The following STAU2 variants were observed in gnomAD, a reference collection of about 807,000 sequenced individuals.
The protein encoded by STAU2 is double-stranded RNA-binding protein Staufen homolog 2.
A neutral mutation model predicts 65.9 loss-of-function variants in STAU2; 20 were observed. The ratio of observed to expected loss-of-function variants is 0.30; its 90% CI spans 0.21 to 0.44. The LOEUF (loss-of-function observed/expected upper bound fraction) is 0.44. STAU2 is among the 20% of genes least tolerant of loss of function. STAU2 has a pLI of 1.00. For synonymous variants in STAU2, 232 were observed against 233.9 expected (o/e 0.99, Z 0.07); for missense variants, 558 against 683.9 (o/e 0.82, Z 2.05).
intron 5 of STAU2, among the ~76,000 whole-genome samples, chr8:73,688,076 G>A (rs554209891): frequency 4.0e-5 from 6 of 150,074 alleles, no homozygotes; most frequent in Non-Finnish European, 8.9e-5. Context: ...ATTCAAATAT[G>A]TTTTTGCCAA....
intron 10 of STAU2, among the ~76,000 whole-genome samples, chr8:73,600,641 G>A (rs1433736451): frequency 1.3e-5 from 2 of 152,206 alleles, no homozygotes; most frequent in Non-Finnish European, 2.9e-5. Context: ...GAAAAGATTA[G>A]GCCAGTTATG....
intron 13 of STAU2, among the ~76,000 whole-genome samples, chr8:73,444,370 C>T (rs1031390316): frequency 4.7e-5 from 7 of 148,822 alleles, no homozygotes; most frequent in African/African-American, 1.7e-4. Context: ...CGCATCATTG[C>T]ACTCCAGCCT....
At chr8:73,590,204 T>C (rs1563442886) in intron 11 of STAU2, among the ~76,000 whole-genome samples, 2 of 139,844 alleles carry the variant, frequency 1.4e-5, no homozygotes, top group Admixed American at 1.4e-4. Context: ...GGAAGAAAAA[T>C]AGAAAGAAGG....
chr8:73,688,489 C>CGTGTGTGTGT (rs34713766), intron 5 of STAU2, among the ~76,000 whole-genome samples, 165 bp downstream of exon 5: 1,636 of 146,940 alleles, frequency 0.011, 39 homozygotes, highest in African/African-American at 0.038. Flanking sequence ...TTTATGCTAC[C>CGTGTGTGTGT]GTGTGTGTGT....
intron 4 of STAU2, among the ~76,000 whole-genome samples, chr8:73,693,202 G>A (rs552245298): frequency 6.7e-4 from 102 of 152,108 alleles, no homozygotes; most frequent in East Asian, 7.7e-4. Flanking sequence ...GGCTGGGTGC[G>A]GTGGCTCACG....
intron 14 of STAU2, 92 bp from the exon 15 acceptor site, chr8:73,421,557 T>A (rs1381206107): frequency 8.2e-7 from 1 of 1,217,386 alleles, no homozygotes; most frequent in Non-Finnish European, 1.2e-6. Context: ...GATTCAAAGG[T>A]CACCACAAAA....
At chr8:73,518,819 T>A (rs1461439245) in intron 13 of STAU2, among the ~76,000 whole-genome samples, 1 of 152,172 alleles carries the variant, frequency 6.6e-6, no homozygotes, top group African/African-American at 2.4e-5. Context: ...TCCTTAACTA[T>A]AAGATATAAT....
chr8:73,566,419 T>C (rs1196144062), intron 12 of STAU2, among the ~76,000 whole-genome samples: 1 of 152,190 alleles, frequency 6.6e-6, no homozygotes, highest in East Asian at 1.9e-4. Context: ...CAATCTGGTA[T>C]CTGAAACAAT....
intron 9 of STAU2, among the ~76,000 whole-genome samples, chr8:73,605,836 TACACATACACACACACACAC>T (rs1811969059): frequency 1.3e-5 from 1 of 78,536 alleles, no homozygotes; most frequent in South Asian, 4.0e-4. Context: ...TATACACACA[TACACATACACACACACACAC>T]ACACACACAC....
chr8:73,724,540 AAC>A (rs1400507315), intron 3 of STAU2, among the ~76,000 whole-genome samples: 1 of 152,014 alleles, frequency 6.6e-6, no homozygotes, highest in East Asian at 1.9e-4. Context: ...TGAGATATTT[AAC>A]ACTTTATTAT....
At chr8:73,558,286 G>A (rs1313900413) in intron 12 of STAU2, among the ~76,000 whole-genome samples, 1 of 152,222 alleles carries the variant, frequency 6.6e-6, no homozygotes, top group Non-Finnish European at 1.5e-5. Context: ...ATGTTCCAGA[G>A]ATGAGCTCAC....
At chr8:73,726,012 T>G (rs977084282) in intron 3 of STAU2, among the ~76,000 whole-genome samples, 2 of 151,842 alleles carry the variant, frequency 1.3e-5, no homozygotes, top group African/African-American at 2.4e-5. Flanking sequence ...GGTTAGGTTT[T>G]TTTTTTTTTT....
chr8:73,471,817 T>TAAAAAAAAA lies in STAU2; in HGVS notation c.1531-49124_1531-49116dup, dbSNP rs569600617. On this transcript the variant is annotated intron_variant, in intron 13 of 14. Transcript: ENST00000524300. ...TGGGCAACAAGGGCGAGACTCCAAC[T>TAAAAAAAAA]AAAAAAAAAAAAAAAAAAAAGAGAG... is the stretch of plus-strand genomic sequence containing the variant. 2.8e-3 allele frequency among the ~76,000 whole-genome samples: 245 copies of TAAAAAAAAA among 86,804 alleles called. 17 individuals carry two copies. The highest frequency in any genetic ancestry group is 3.8e-3 in the Non-Finnish European group (178 of 47,072). 56.9% of individuals were successfully genotyped at this position (86,804 alleles called of 152,430 possible). A position where few individuals can be genotyped will look rare whatever the true frequency, so the allele number is the denominator to read the frequency against.
chr8:73,655,848 C>T (rs1000390061), intron 6 of STAU2, among the ~76,000 whole-genome samples: 2 of 151,876 alleles, frequency 1.3e-5, no homozygotes, highest in African/African-American at 4.8e-5. Context: ...CAGGGTTTCA[C>T]CGTGTTAGCC....
rs142886656 is a variant in STAU2 at position 73,535,110 on chromosome 8, G to A, written c.1530+16902C>T. ...ATGTGTTGTCAGCGTTGTTTAGGGGGATAATAACATTCTTACTGTAAGTGA... is the reference window on the plus strand; with the variant it reads ...ATGTGTTGTCAGCGTTGTTTAGGGGAATAATAACATTCTTACTGTAAGTGA... On this transcript the variant is annotated intron_variant, in intron 13 of 14. Transcript: ENST00000524300. Among the ~76,000 whole-genome samples the A allele has an allele frequency of 3.3e-5, 5 of 152,172 alleles. No homozygotes were observed. In the East Asian group the frequency reaches 9.6e-4, roughly 29 times the overall value.
chr8:73,638,118 A>T (rs1303227656), intron 6 of STAU2, among the ~76,000 whole-genome samples: 1 of 152,084 alleles, frequency 6.6e-6, no homozygotes, highest in Non-Finnish European at 1.5e-5. Flanking sequence ...TAATACATGA[A>T]ACTGGCAGGG....
At chr8:73,438,345 A>T (rs1316814435) in intron 13 of STAU2, among the ~76,000 whole-genome samples, 1 of 152,222 alleles carries the variant, frequency 6.6e-6, no homozygotes, top group Non-Finnish European at 1.5e-5. Flanking sequence ...ACGGCAGTGG[A>T]ACCAGACAGC....
At chr8:73,438,867 C>G (rs1184988175) in intron 13 of STAU2, 2 of 441,444 alleles carry the variant, frequency 4.5e-6, no homozygotes, top group African/African-American at 4.0e-5. Flanking sequence ...AGGTGGCGTT[C>G]AGAACTACCT....
At chr8:73,483,660 G>A (rs916974357) in intron 13 of STAU2, among the ~76,000 whole-genome samples, 16 of 152,132 alleles carry the variant, frequency 1.1e-4, no homozygotes, top group Non-Finnish European at 1.6e-4. Flanking sequence ...TTACAATGTT[G>A]CTTAGGTAAG....
Sources: allele counts gnomAD v4.1 joint callset (sites outside exome capture counted in the v4.1 genomes callset), GRCh38; gene constraint gnomAD v4.1.1; transcripts MANE v1.5; gene names NCBI Gene and HGNC (gene_info 2026-07-23, HGNC 2026-07-21).